Variants in HPGD observed in about 807,000 individuals in gnomAD.
HPGD encodes 15-hydroxyprostaglandin dehydrogenase [NAD(+)].
Under a neutral mutation model 30.0 loss-of-function variants are expected in HPGD, and 29 were observed. That is an observed-to-expected ratio of 0.97 (90% confidence interval 0.72 to 1.32). The LOEUF (loss-of-function observed/expected upper bound fraction) is 1.32. Among genes scored for constraint, HPGD ranks in the 40% most tolerant of loss-of-function variants. The pLI, the probability that HPGD is intolerant of heterozygous loss-of-function variation, is 0.00. For synonymous variants in HPGD, 99 were observed against 112.4 expected (o/e 0.88, Z 0.75); for missense variants, 340 against 322.1 (o/e 1.06, Z -0.43).
intron 2 of HPGD, among the ~76,000 whole-genome samples, chr4:174,519,914 G>A (rs979669560): frequency 2.6e-5 from 4 of 152,098 alleles, no homozygotes; most frequent in Non-Finnish European, 5.9e-5. Flanking sequence ...TGATCCGCCC[G>A]CCTCGGCCTC....
intron 2 of HPGD, among the ~76,000 whole-genome samples, chr4:174,518,980 A>G (rs1257362296): frequency 1.3e-5 from 2 of 151,812 alleles, no homozygotes; most frequent in Non-Finnish European, 3.0e-5. Context: ...AGACCAACAT[A>G]TCAAGTCCTT....
rs201828747 is a variant in HPGD, at chr4:174,491,915, T to C, written c.*41A>G. 1.2e-4 allele frequency: 189 copies of C among 1,540,022 alleles called. No homozygotes were observed. In the Middle Eastern group the frequency reaches 1.6e-3, roughly 13 times the overall value. On this transcript the variant is annotated 3_prime_UTR_variant, in exon 7 of 7. Transcript: ENST00000296522. ...ATGAAGATAGGATCTGAATATAAGC[T>C]ATTTGTGCTTATTTTCAGCTATGGC...
chr4:174,520,505 T>C (rs1159749604), intron 2 of HPGD, among the ~76,000 whole-genome samples: 1 of 152,230 alleles, frequency 6.6e-6, no homozygotes, highest in Non-Finnish European at 1.5e-5. Context: ...CAAATGCTCA[T>C]GTCCAGACAA....
intron 5 of HPGD, among the ~76,000 whole-genome samples, chr4:174,493,693 CTT>C (rs772827777): frequency 2.2e-4 from 34 of 152,180 alleles, no homozygotes; most frequent in Non-Finnish European, 3.8e-4. Context: ...ATTAAAAAGA[CTT>C]TTAGTGAAAA....
At chr4:174,497,078 G>A (rs561961388) in intron 4 of HPGD, among the ~76,000 whole-genome samples, 39 of 152,310 alleles carry the variant, frequency 2.6e-4, no homozygotes, top group Middle Eastern at 3.4e-3. Context: ...ACCAGGAGTT[G>A]CTGCTTCTGG....
chr4:174,513,739 G>T (rs1294137901), intron 3 of HPGD, among the ~76,000 whole-genome samples: 1 of 151,822 alleles, frequency 6.6e-6, no homozygotes, highest in Admixed American at 6.6e-5. Context: ...ATGGAAAAAG[G>T]TAGGTGAATG....
At position 174,492,166 on chromosome 4, in the gene HPGD, C is replaced by G. The variant is rs140730286; in HGVS notation, c.663-72G>C. Reference sequence around the variant, plus strand: ...TTACCACTTCATTTTAAGTTATTTTCTGAAGAATCTATTAAGTTGAACATG... The same window carrying G: ...TTACCACTTCATTTTAAGTTATTTTGTGAAGAATCTATTAAGTTGAACATG... On this transcript the variant is annotated intron_variant, in intron 6 of 6. Coordinates refer to ENST00000296522, the MANE Select transcript of HPGD (RefSeq NM_000860.6). The surrounding 1 kb of genome is among the most constrained non-coding windows in gnomAD (Gnocchi z 4.9). 4.1e-4 allele frequency: 575 copies of G among 1,389,434 alleles called. 1 individual carries two copies. The African/African-American group carries it at 7.1e-3, about 17-fold the overall frequency. 86.1% of individuals were successfully genotyped at this position (1,389,434 alleles called of 1,614,324 possible).
chr4:174,500,063 A>G (rs1734829128), intron 4 of HPGD, among the ~76,000 whole-genome samples: 1 of 152,176 alleles, frequency 6.6e-6, no homozygotes, highest in Non-Finnish European at 1.5e-5. Flanking sequence ...TACTTCTTGT[A>G]ATATTTCCTA....
At chr4:174,519,309 G>C (rs1735957463) in intron 2 of HPGD, among the ~76,000 whole-genome samples, 1 of 151,784 alleles carries the variant, frequency 6.6e-6, no homozygotes, top group East Asian at 2.0e-4. Flanking sequence ...CACCTCCCGG[G>C]TTCACGCCAT....
intron 3 of HPGD, among the ~76,000 whole-genome samples, chr4:174,509,611 G>A (rs545616422): frequency 3.5e-4 from 53 of 152,272 alleles, no homozygotes; most frequent in African/African-American, 1.2e-3. Flanking sequence ...CTATTTCCTA[G>A]TATCCTGAAG....
At chr4:174,509,016 C>T (rs979974023) in intron 3 of HPGD, among the ~76,000 whole-genome samples, 5 of 152,226 alleles carry the variant, frequency 3.3e-5, no homozygotes, top group African/African-American at 1.2e-4. Context: ...CAAAACTTCA[C>T]TTAGTTGCCC....
chr4:174,514,836 A>G (rs1735689232), intron 3 of HPGD, among the ~76,000 whole-genome samples: 1 of 152,186 alleles, frequency 6.6e-6, no homozygotes, highest in African/African-American at 2.4e-5. Context: ...TACATAACCA[A>G]TGTACAAAAA....
chr4:174,510,133 C>T (rs1735407412), intron 3 of HPGD, among the ~76,000 whole-genome samples: 1 of 152,118 alleles, frequency 6.6e-6, no homozygotes, highest in Admixed American at 6.5e-5. Context: ...CATGTACTTA[C>T]CTTCTTTTTC....
intron 3 of HPGD, 70 bp downstream of exon 3, chr4:174,517,901 A>G (rs1735872365): frequency 1.2e-6 from 1 of 834,874 alleles, no homozygotes; most frequent in South Asian, 1.5e-5. Flanking sequence ...GACTCCAAGA[A>G]CCTTTTTTTC....
intron 5 of HPGD, 181 bp from the exon 6 acceptor site, chr4:174,493,495 A>C (rs1034936877): frequency 6.9e-6 from 4 of 580,720 alleles, no homozygotes; most frequent in African/African-American, 1.9e-5. Context: ...TATTGTATTA[A>C]TTCCTGAAAA....
chr4:174,520,950 A>C (rs1736072025), intron 2 of HPGD, among the ~76,000 whole-genome samples: 3 of 152,216 alleles, frequency 2.0e-5, no homozygotes, highest in Admixed American at 2.0e-4. Context: ...TTGGTACACC[A>C]CTTCCTTCTA....
intron 4 of HPGD, among the ~76,000 whole-genome samples, chr4:174,503,520 A>T (rs552363233): frequency 6.6e-6 from 1 of 152,202 alleles, no homozygotes; most frequent in Non-Finnish European, 1.5e-5. Context: ...CAATTGCTCA[A>T]TATGTGTTAG....
At chr4:174,493,754 G>A (rs901158164) in intron 5 of HPGD, among the ~76,000 whole-genome samples, 3 of 152,060 alleles carry the variant, frequency 2.0e-5, no homozygotes, top group African/African-American at 7.2e-5. Flanking sequence ...TGTCCTATCT[G>A]GAAGACAATT....
intron 4 of HPGD, 125 bp downstream of exon 4, chr4:174,508,571 A>T: frequency 1.4e-6 from 1 of 707,940 alleles, no homozygotes. Flanking sequence ...ATTCCATGGA[A>T]CTATAAAACG....
Sources: allele counts gnomAD v4.1 joint callset (sites outside exome capture counted in the v4.1 genomes callset), GRCh38; gene constraint gnomAD v4.1.1; non-coding constraint Gnocchi (gnomAD v3.1); transcripts MANE v1.5; gene names NCBI Gene and HGNC (gene_info 2026-07-23, HGNC 2026-07-21).